Variants in ADCY9 observed in about 807,000 individuals in gnomAD.
ADCY9 encodes adenylate cyclase 9.
Under a neutral mutation model 101.5 loss-of-function variants are expected in ADCY9, and 50 were observed. The observed-to-expected ratio is 0.49, with a 90% confidence interval of 0.39 to 0.62. ADCY9 has a LOEUF of 0.62. Ranked by LOEUF, ADCY9 falls within the 20% of genes least tolerant of loss-of-function variation. The probability of loss-of-function intolerance (pLI) is 0.00; values close to 1 mark genes in which losing one functional copy is unlikely to be tolerated. For synonymous variants in ADCY9, 905 were observed against 769.3 expected, an observed-to-expected ratio of 1.18 and a Z score of -2.92; for missense variants, 1,662 against 1,800.4, an observed-to-expected ratio of 0.92 and a Z score of 1.39.
Position 4,114,912 on chromosome 16 carries a change from C to T in ADCY9, c.531G>A (p.Leu177=), listed in dbSNP as rs1380554667. The T allele has an allele frequency of 6.2e-7, 1 of 1,613,760 alleles. No individual in the cohort carries two copies. Among genetic ancestry groups the T allele is most frequent in the Non-Finnish European group, 8.5e-7 (1 of 1,180,044 alleles). Residue 177 remains leucine, a synonymous_variant, in exon 2 of 11, where the codon CTG becomes CTA. Coordinates refer to ENST00000294016, the MANE Select transcript of ADCY9 (RefSeq NM_001116.4). This position sits in a 1 kb window ranked among gnomAD's most constrained non-coding sequence, Gnocchi z 4.3. ...LYARHYAWTS[L]ALTLLVFALT... is the part of the protein sequence containing the mutation. ...GGGCGAACACCAGCAGGGTGAGAGC[C>T]AGCGAGGTCCACGCGTAATGCCGGG...
chr16:3,960,096 C>T (rs118169344), downstream of ADCY9, among the ~76,000 whole-genome samples: 363 of 152,244 alleles, frequency 2.4e-3, 2 homozygotes, highest in Non-Finnish European at 4.4e-3. Context: ...ATCAGGTTTC[C>T]AGCGGAGAGT....
chr16:4,026,971 C>T (rs2056519992), intron 2 of ADCY9, among the ~76,000 whole-genome samples: 1 of 152,194 alleles, frequency 6.6e-6, no homozygotes, highest in Non-Finnish European at 1.5e-5. Flanking sequence ...TGGAAAGTAC[C>T]TCTGATTGGT....
At chr16:3,969,569 A>AATATATATAAATATAT (rs2056029561) in intron 10 of ADCY9, among the ~76,000 whole-genome samples, 6 of 45,228 alleles carry the variant, frequency 1.3e-4, no homozygotes, top group African/African-American at 3.3e-4. Flanking sequence ...GTTTGTTTGA[A>AATATATATAAATATAT]ATATATATAT....
rs149440475 is a variant in ADCY9, at chr16:4,047,587, G to A, written c.1694-40029C>T. Among the ~76,000 whole-genome samples the A allele has an allele frequency of 1.1e-3, 169 of 152,222 alleles. 1 individual carries two copies. Among genetic ancestry groups the A allele is most frequent in the African/African-American group, 3.8e-3 (159 of 41,486 alleles). ...CGCACACTGGTATTCGTTCAAGATGGAAAACCAAACAACATGGACACAACC... is the reference window on the plus strand; with the variant it reads ...CGCACACTGGTATTCGTTCAAGATGAAAAACCAAACAACATGGACACAACC... On this transcript the variant is annotated intron_variant, in intron 2 of 10. Coordinates refer to ENST00000294016, the MANE Select transcript of ADCY9 (RefSeq NM_001116.4).
At chr16:4,040,458 A>T (rs1597184706) in intron 2 of ADCY9, among the ~76,000 whole-genome samples, 1 of 144,312 alleles carries the variant, frequency 6.9e-6, no homozygotes, top group South Asian at 2.2e-4. Context: ...CATCTTCTTA[A>T]TTTTTTTTTT....
intron 9 of ADCY9, among the ~76,000 whole-genome samples, chr16:3,977,052 A>G (rs2056098307): frequency 6.6e-6 from 1 of 152,172 alleles, no homozygotes; most frequent in African/African-American, 2.4e-5. Context: ...CCGGTTCATG[A>G]ACCCTACCCC....
Position 4,029,580 on chromosome 16 carries a change from C to G in ADCY9, c.1694-22022G>C, listed in dbSNP as rs143375011. 2.3e-3 allele frequency among the ~76,000 whole-genome samples: 356 copies of G among 152,218 alleles called. 2 individuals are homozygous for G. The highest frequency in any genetic ancestry group is 8.4e-3 in the African/African-American group (347 of 41,556). On this transcript the variant is annotated intron_variant, in intron 2 of 10. Transcript: ENST00000294016. ...TGGCCAACATGGTGAAACCCCATCT[C>G]TACTAAAAATACAAAAATTAGCTGG...
intron 2 of ADCY9, among the ~76,000 whole-genome samples, chr16:4,047,987 G>C (rs17136720): frequency 0.018 from 2,705 of 152,244 alleles, 85 homozygotes; most frequent in African/African-American, 0.061. Flanking sequence ...GCTCTGCCGT[G>C]ACCCACTTGG....
intron 2 of ADCY9, among the ~76,000 whole-genome samples, chr16:4,106,507 G>A (rs553874981): frequency 2.3e-4 from 35 of 152,264 alleles, no homozygotes; most frequent in Admixed American, 2.2e-3. Flanking sequence ...AGTTCCTGTT[G>A]GAAAAGGTCT....
intron 2 of ADCY9, among the ~76,000 whole-genome samples, chr16:4,013,715 C>T (rs117704963): frequency 0.042 from 6,445 of 152,256 alleles, 221 homozygotes; most frequent in Admixed American, 0.08. Flanking sequence ...AAACTGTAAT[C>T]AGCCAATAAG....
At chr16:4,006,009 T>C (rs2056364779) in intron 3 of ADCY9, among the ~76,000 whole-genome samples, 1 of 152,220 alleles carries the variant, frequency 6.6e-6, no homozygotes, top group Non-Finnish European at 1.5e-5. Flanking sequence ...TCTCTAAAGT[T>C]TGCAGGCATC....
chr16:4,041,796 T>C (rs2056628651), intron 2 of ADCY9, among the ~76,000 whole-genome samples: 1 of 150,740 alleles, frequency 6.6e-6, no homozygotes, highest in Non-Finnish European at 1.5e-5. Context: ...GTGTTGCCCA[T>C]GCTGGAGTAC....
chr16:4,008,681 C>T (rs2056383638), intron 2 of ADCY9, among the ~76,000 whole-genome samples: 1 of 152,008 alleles, frequency 6.6e-6, no homozygotes, highest in South Asian at 2.1e-4. Flanking sequence ...AAGCAATTCT[C>T]CTGACTCAGC....
intron 2 of ADCY9, among the ~76,000 whole-genome samples, chr16:4,011,885 G>A (rs1441618093): frequency 1.3e-5 from 2 of 152,236 alleles, no homozygotes; most frequent in African/African-American, 2.4e-5. Context: ...TCTCTAAGGC[G>A]AGGGCAGGAG....
chr16:4,044,200 A>G (rs1208357084), intron 2 of ADCY9, among the ~76,000 whole-genome samples: 1 of 152,048 alleles, frequency 6.6e-6, no homozygotes, highest in Admixed American at 6.6e-5. Context: ...TACAAAAATT[A>G]GCCAGGTGTG....
At chr16:4,113,618 G>C in intron 2 of ADCY9, 132 bp downstream of exon 2, 1 of 1,211,206 alleles carries the variant, frequency 8.3e-7, no homozygotes, top group African/African-American at 1.5e-5. Flanking sequence ...CACTGACCCT[G>C]AGATCCCCCC....
intron 2 of ADCY9, among the ~76,000 whole-genome samples, chr16:4,050,850 G>A (rs573973709): frequency 1.3e-5 from 2 of 152,238 alleles, no homozygotes; most frequent in South Asian, 2.1e-4. Flanking sequence ...AAAGGAACCA[G>A]GGCTTATTGG....
intron 2 of ADCY9, among the ~76,000 whole-genome samples, chr16:4,012,973 C>T (rs974478055): frequency 6.6e-5 from 10 of 151,900 alleles, no homozygotes; most frequent in South Asian, 2.1e-4. Flanking sequence ...AGAACAACAG[C>T]GAGGCACGGG....
chr16:4,071,332 C>CAAAAAAAAAAAAAAAAAAAAAAAAAAAAA (rs530420293), intron 2 of ADCY9, among the ~76,000 whole-genome samples: 5 of 70,524 alleles, frequency 7.1e-5, no homozygotes, highest in Admixed American at 2.1e-4. Context: ...ACTCAGTCTC[C>CAAAAAAAAAAAAAAAAAAAAAAAAAAAAA]AAAAAAAAAA....
Sources: allele counts gnomAD v4.1 joint callset (sites outside exome capture counted in the v4.1 genomes callset), GRCh38; gene constraint gnomAD v4.1.1; non-coding constraint Gnocchi (gnomAD v3.1); transcripts MANE v1.5; gene names NCBI Gene and HGNC (gene_info 2026-07-23, HGNC 2026-07-21).